Variants in ANKRD55 observed in about 807,000 individuals in gnomAD.
ANKRD55 encodes the protein ankyrin repeat domain 55.
A neutral mutation model predicts 60.6 loss-of-function variants in ANKRD55; 41 were observed. The ratio of observed to expected loss-of-function variants is 0.68; its 90% CI spans 0.53 to 0.88. The LOEUF is 0.88. Among genes scored for constraint, ANKRD55 ranks in the 40% least tolerant of loss-of-function variants. ANKRD55 has a pLI of 0.00. For missense variants in ANKRD55, 732 were observed against 767.6 expected, an observed-to-expected ratio of 0.95 and a Z score of 0.55; for synonymous variants, 264 against 290.3, an observed-to-expected ratio of 0.91 and a Z score of 0.92.
At chr5:56,106,447 A>G (rs1230991354) in intron 10 of ANKRD55, among the ~76,000 whole-genome samples, 1 of 97,882 alleles carries the variant, frequency 1.0e-5, no homozygotes, top group African/African-American at 8.2e-5. Context: ...TTTTTTTGAG[A>G]CATAGTCTTG....
chr5:56,194,699 C>T lies in ANKRD55; in HGVS notation c.59-11065G>A, dbSNP rs193134926. Among the ~76,000 whole-genome samples the T allele has an allele frequency of 1.7e-3, 262 of 152,262 alleles. 3 individuals are homozygous for T. Among genetic ancestry groups the T allele is most frequent in the African/African-American group, 5.9e-3 (247 of 41,544 alleles). On this transcript the variant is annotated intron_variant, in intron 2 of 11. Coordinates refer to ENST00000341048, the MANE Select transcript of ANKRD55 (RefSeq NM_024669.3). The stretch of plus-strand genomic sequence containing the variant: ...TTAATATTAATTTACTCAAAGTATT[C>T]ACAGCATTCTGTAAACATGTATTTG...
At chr5:56,211,202 C>T (rs910474842) in intron 2 of ANKRD55, among the ~76,000 whole-genome samples, 6 of 152,200 alleles carry the variant, frequency 3.9e-5, no homozygotes, top group Non-Finnish European at 8.8e-5. Flanking sequence ...GACTGCTACA[C>T]GATTACTTCC....
chr5:56,183,441 C>T, intron 3 of ANKRD55, 71 bp downstream of exon 3: 2 of 1,581,818 alleles, frequency 1.3e-6, no homozygotes, highest in Non-Finnish European at 8.6e-7. Context: ...ATTAACATTG[C>T]TCATGTCTGA....
At chr5:56,174,484 G>A (rs948843602) in intron 4 of ANKRD55, among the ~76,000 whole-genome samples, 1 of 152,176 alleles carries the variant, frequency 6.6e-6, no homozygotes, top group Non-Finnish European at 1.5e-5. Flanking sequence ...TGCTAGAAGG[G>A]AGGGGGCTAG....
intron 2 of ANKRD55, among the ~76,000 whole-genome samples, chr5:56,201,376 A>T (rs1759376379): frequency 6.6e-6 from 1 of 152,246 alleles, no homozygotes; most frequent in Non-Finnish European, 1.5e-5. Flanking sequence ...CTCTTTGGCC[A>T]TGCAAGAACA....
At chr5:56,134,530 G>A (rs1757504206) in intron 7 of ANKRD55, among the ~76,000 whole-genome samples, 1 of 127,716 alleles carries the variant, frequency 7.8e-6, no homozygotes, top group Non-Finnish European at 1.7e-5. Flanking sequence ...AGTGAGCCGA[G>A]ATCGTGTCAT....
At chr5:56,169,944 G>A (rs66870721) in intron 5 of ANKRD55, among the ~76,000 whole-genome samples, 20,008 of 152,214 alleles carry the variant, frequency 0.13, 2,356 homozygotes, top group African/African-American at 0.31. Flanking sequence ...CCGAGGCCAT[G>A]TAGACACAGA....
chr5:56,160,412 C>G (rs1352456660), intron 5 of ANKRD55, among the ~76,000 whole-genome samples: 3 of 152,144 alleles, frequency 2.0e-5, no homozygotes, highest in East Asian at 1.9e-4. Context: ...CTAATTTTTT[C>G]TATTTTTTAG....
intron 2 of ANKRD55, among the ~76,000 whole-genome samples, chr5:56,227,181 C>A (rs1340426686): frequency 1.3e-5 from 2 of 152,006 alleles, no homozygotes; most frequent in African/African-American, 4.8e-5. Context: ...AGTTCATGTC[C>A]TTTGTAAGGA....
At chr5:56,137,601 C>A in intron 7 of ANKRD55, 10 of 608,406 alleles carry the variant, frequency 1.6e-5, no homozygotes, top group Non-Finnish European at 2.6e-5. Flanking sequence ...ATAACAGGAG[C>A]AAAATTGAGA....
chr5:56,188,671 T>A (rs1294148589), intron 2 of ANKRD55, among the ~76,000 whole-genome samples: 2 of 152,372 alleles, frequency 1.3e-5, no homozygotes, highest in Non-Finnish European at 2.9e-5. Context: ...GTTCCATTGG[T>A]CTACGTGGCT....
chr5:56,194,895 A>G (rs1244599562), intron 2 of ANKRD55, among the ~76,000 whole-genome samples: 1 of 152,182 alleles, frequency 6.6e-6, no homozygotes, highest in Non-Finnish European at 1.5e-5. Context: ...GATTTCTTTC[A>G]TTCTCATCCT....
At chr5:56,211,915 G>A (rs1225142371) in intron 2 of ANKRD55, among the ~76,000 whole-genome samples, 1 of 152,174 alleles carries the variant, frequency 6.6e-6, no homozygotes, top group Non-Finnish European at 1.5e-5. Context: ...ATTCTAAAGT[G>A]AGGTTGAACA....
At chr5:56,171,414 T>C (rs937758496) in intron 4 of ANKRD55, among the ~76,000 whole-genome samples, 1 of 152,240 alleles carries the variant, frequency 6.6e-6, no homozygotes, top group African/African-American at 2.4e-5. Context: ...GTTGTCTAGA[T>C]TGAGACCTGA....
At chr5:56,160,637 T>C (rs1398137525) in intron 5 of ANKRD55, among the ~76,000 whole-genome samples, 1 of 152,236 alleles carries the variant, frequency 6.6e-6, no homozygotes, top group Admixed American at 6.5e-5. Flanking sequence ...TAGCTGCATA[T>C]GTCATGCCTT....
At chr5:56,163,864 G>C (rs910458004) in intron 5 of ANKRD55, among the ~76,000 whole-genome samples, 2 of 152,082 alleles carry the variant, frequency 1.3e-5, no homozygotes, top group Non-Finnish European at 2.9e-5. Context: ...GACCAAGGTG[G>C]GCAGATCACC....
At chr5:56,114,162 C>A in intron 9 of ANKRD55, 1 of 157,916 alleles carries the variant, frequency 6.3e-6, no homozygotes, top group Non-Finnish European at 1.4e-5. Context: ...AAACCTGTCT[C>A]TACTAAAAAT....
chr5:56,166,106 C>CTTTCTTT (rs1758451340), intron 5 of ANKRD55, among the ~76,000 whole-genome samples: 1 of 54,394 alleles, frequency 1.8e-5, no homozygotes, highest in South Asian at 6.6e-4. Flanking sequence ...TTCTTTCTTT[C>CTTTCTTT]TTTCTTTCTT....
At chr5:56,186,206 C>T (rs1219087306) in intron 2 of ANKRD55, among the ~76,000 whole-genome samples, 1 of 152,138 alleles carries the variant, frequency 6.6e-6, no homozygotes, top group Non-Finnish European at 1.5e-5. Flanking sequence ...CTCGTTGGGT[C>T]ACCCATGCTG....
Sources: gnomAD v4.1 joint callset for allele counts (sites outside exome capture counted in the v4.1 genomes callset) on GRCh38, gnomAD v4.1.1 for gene constraint, MANE v1.5 for transcripts, NCBI Gene and HGNC (gene_info 2026-07-23, HGNC 2026-07-21) for gene names.